The following KLRF1 variants were observed in gnomAD, a reference collection of about 807,000 sequenced individuals.
The protein encoded by KLRF1 is killer cell lectin like receptor F1, also known as killer cell lectin-like receptor subfamily F member 1.
A neutral mutation model predicts 30.7 loss-of-function variants in KLRF1; 27 were observed. The ratio of observed to expected loss-of-function variants is 0.88; its 90% CI spans 0.65 to 1.21. The LOEUF is 1.21. KLRF1 is among the 50% of genes most tolerant of loss of function. KLRF1 has a pLI of 0.00. For missense variants in KLRF1, 246 were observed against 259.3 expected (o/e 0.95, Z 0.35); for synonymous variants, 92 against 89.3 (o/e 1.03, Z -0.17).
upstream of KLRF1, among the ~76,000 whole-genome samples, chr12:9,824,068 T>A (rs6488231): frequency 5.3e-5 from 8 of 152,264 alleles, 1 homozygote; most frequent in South Asian, 1.7e-3. Flanking sequence ...ACCATTCCCA[T>A]GGAAACTATT....
chr12:9,827,488 G>A lies in KLRF1; in HGVS notation c.-57G>A, dbSNP rs770594361. The A allele has an allele frequency of 2.7e-5, 25 of 933,872 alleles. No individual in the cohort carries two copies. Among genetic ancestry groups the A allele is most frequent in the Middle Eastern group, 2.4e-4 (1 of 4,248 alleles). The allele number at this position is 933,872 out of a possible 1,614,324, so 57.8% of individuals were successfully genotyped here. The stretch of plus-strand genomic sequence containing the variant: ...ATTTATTATTCTTTCCTCATTTCAT[G>A]TTATACTTAATAAAACAAAACATAC... On this transcript the variant is annotated 5_prime_UTR_variant, in exon 1 of 6. The change abolishes an upstream ATG in the 5' untranslated region. Coordinates refer to ENST00000617889, the MANE Select transcript of KLRF1 (RefSeq NM_016523.3).
intron 4 of KLRF1, 72 bp from the exon 5 acceptor site, chr12:9,842,249 A>T: frequency 1.3e-6 from 2 of 1,554,568 alleles, no homozygotes; most frequent in Non-Finnish European, 1.7e-6. Context: ...TTTTTGCAAT[A>T]ACATTTAAAA....
the KLRF1 span, among the ~76,000 whole-genome samples, chr12:9,802,289 C>T: frequency 6.6e-6 from 1 of 152,084 alleles, no homozygotes; most frequent in African/African-American, 2.4e-5. Context: ...ATTCAACATC[C>T]CTTCATGTTA....
chr12:9,835,005 G>T (rs1191064253), intron 3 of KLRF1, among the ~76,000 whole-genome samples: 1 of 152,066 alleles, frequency 6.6e-6, no homozygotes, highest in Non-Finnish European at 1.5e-5. Context: ...GGCTATGGAA[G>T]GTCGTGACAG....
the KLRF1 span, among the ~76,000 whole-genome samples, chr12:9,803,632 A>C: frequency 6.6e-6 from 1 of 151,920 alleles, no homozygotes; most frequent in Non-Finnish European, 1.5e-5. Flanking sequence ...TTTATTTAAA[A>C]ATTTTTCTCT....
At chr12:9,806,124 G>A in the KLRF1 span, among the ~76,000 whole-genome samples, 1 of 151,658 alleles carries the variant, frequency 6.6e-6, no homozygotes, top group Non-Finnish European at 1.5e-5. Context: ...TGGTAGCTTA[G>A]GTTATTATTT....
At chr12:9,807,768 G>A in the KLRF1 span, among the ~76,000 whole-genome samples, 1 of 152,022 alleles carries the variant, frequency 6.6e-6, no homozygotes, top group African/African-American at 2.4e-5. Context: ...TTTGCGGGGA[G>A]GGGTGTTCAT....
the KLRF1 span, among the ~76,000 whole-genome samples, chr12:9,811,714 T>C: frequency 3.0e-4 from 46 of 152,142 alleles, no homozygotes; most frequent in Non-Finnish European, 5.7e-4. Flanking sequence ...AACCCTAGAA[T>C]TAGGGAAATG....
intron 1 of KLRF1, among the ~76,000 whole-genome samples, chr12:9,828,319 G>A (rs1867329709): frequency 6.6e-6 from 1 of 152,048 alleles, no homozygotes; most frequent in African/African-American, 2.4e-5. Flanking sequence ...GACCTCAGGT[G>A]ATCCACCCAC....
the KLRF1 span, among the ~76,000 whole-genome samples, chr12:9,807,936 A>G: frequency 0.56 from 84,718 of 151,994 alleles, 26,206 homozygotes; most frequent in Non-Finnish European, 0.68. Context: ...ACTAATAAAA[A>G]CAACCATCAA....
chr12:9,802,034 A>G, the KLRF1 span, among the ~76,000 whole-genome samples: 1 of 152,040 alleles, frequency 6.6e-6, no homozygotes, highest in Non-Finnish European at 1.5e-5. Context: ...GACACAACAA[A>G]AAAAGAAAAC....
chr12:9,838,362 G>A (rs1867630368), intron 3 of KLRF1, among the ~76,000 whole-genome samples: 1 of 152,066 alleles, frequency 6.6e-6, no homozygotes, highest in Non-Finnish European at 1.5e-5. Flanking sequence ...GGGGTGAATA[G>A]CTTTGAGGAA....
chr12:9,843,131 C>A (rs1415005228), intron 5 of KLRF1, among the ~76,000 whole-genome samples: 1 of 151,998 alleles, frequency 6.6e-6, no homozygotes, highest in African/African-American at 2.4e-5. Context: ...TCACAAGGGT[C>A]CTTAGAAGAG....
At chr12:9,843,406 T>C (rs970088329) in intron 5 of KLRF1, among the ~76,000 whole-genome samples, 1 of 152,302 alleles carries the variant, frequency 6.6e-6, no homozygotes, top group East Asian at 1.9e-4. Flanking sequence ...GATAGAAAAA[T>C]AGTACATTAT....
rs949748712 is a variant in KLRF1, at chr12:9,827,493, A to G, written c.-52A>G. The G allele has an allele frequency of 1.0e-5, 10 of 981,208 alleles. No individual in the cohort carries two copies. The Admixed American group carries it at 2.0e-4, about 20-fold the overall frequency. The allele number at this position is 981,208 out of a possible 1,614,324, so 60.8% of individuals were successfully genotyped here. On this transcript the variant is annotated 5_prime_UTR_variant, in exon 1 of 6. The change creates a new upstream start codon in the 5' untranslated region. Coordinates refer to ENST00000617889, the MANE Select transcript of KLRF1 (RefSeq NM_016523.3). ...TTATTCTTTCCTCATTTCATGTTAT[A>G]CTTAATAAAACAAAACATACCTGTA...
the KLRF1 span, among the ~76,000 whole-genome samples, chr12:9,807,432 T>C: frequency 6.6e-6 from 1 of 152,138 alleles, no homozygotes; most frequent in Non-Finnish European, 1.5e-5. Flanking sequence ...TCTGATACAG[T>C]TGACTTACTC....
At chr12:9,825,486 C>T (rs1209172577), upstream of KLRF1, among the ~76,000 whole-genome samples, 3 of 152,144 alleles carry the variant, frequency 2.0e-5, no homozygotes, top group African/African-American at 7.2e-5. Flanking sequence ...GGACCCCTTC[C>T]TTATACCATA....
At chr12:9,840,803 G>A (rs997690279) in intron 3 of KLRF1, among the ~76,000 whole-genome samples, 12 of 151,988 alleles carry the variant, frequency 7.9e-5, no homozygotes, top group South Asian at 2.1e-4. Flanking sequence ...AAAGAATAAC[G>A]TGCTGGTGAG....
chr12:9,808,525 C>G, the KLRF1 span, among the ~76,000 whole-genome samples: 1 of 152,014 alleles, frequency 6.6e-6, no homozygotes, highest in South Asian at 2.1e-4. Context: ...GCTTAAAGAT[C>G]AATGACAGGA....
Sources: gnomAD v4.1 joint callset for allele counts (sites outside exome capture counted in the v4.1 genomes callset) on GRCh38, gnomAD v4.1.1 for gene constraint, MANE v1.5 for transcripts, NCBI Gene and HGNC (gene_info 2026-07-23, HGNC 2026-07-21) for gene names.